The following NUP153 variants were observed in gnomAD, a reference collection of about 807,000 sequenced individuals.
NUP153 encodes nuclear pore complex protein Nup153.
NUP153 carries 27 observed loss-of-function variants against 134.6 expected under a neutral mutation model. That is an observed-to-expected ratio of 0.20 (90% CI 0.15 to 0.28). NUP153 has a LOEUF of 0.28. Ranked by LOEUF, NUP153 falls within the 10% of genes least tolerant of loss-of-function variation. The pLI, the probability that NUP153 is intolerant of heterozygous loss-of-function variation, is 1.00. For missense variants in NUP153, 1,821 were observed against 1,731.3 expected (o/e 1.05, Z -0.92); for synonymous variants, 640 against 623.5 (o/e 1.03, Z -0.40).
chr6:17,702,421 T>C (rs1770175521), intron 1 of NUP153, among the ~76,000 whole-genome samples: 1 of 152,068 alleles, frequency 6.6e-6, no homozygotes, highest in East Asian at 1.9e-4. Flanking sequence ...GGCAGAAGAA[T>C]GGCGTGAACC....
At chr6:17,645,906 G>A (rs1214568837) in intron 14 of NUP153, among the ~76,000 whole-genome samples, 161 bp downstream of exon 14, 1 of 152,056 alleles carries the variant, frequency 6.6e-6, no homozygotes, top group Non-Finnish European at 1.5e-5. Flanking sequence ...TTAATAAAAA[G>A]CACCGTCAAA....
At chr6:17,700,979 C>G (rs958697320) in intron 1 of NUP153, among the ~76,000 whole-genome samples, 1 of 151,890 alleles carries the variant, frequency 6.6e-6, no homozygotes, top group African/African-American at 2.4e-5. Context: ...CAGCACTTCG[C>G]GGGAGGCCAA....
chr6:17,649,363 T>C, intron 11 of NUP153, 63 bp from the exon 12 acceptor site: 3 of 1,474,682 alleles, frequency 2.0e-6, no homozygotes, highest in Non-Finnish European at 2.8e-6. Context: ...TCTCTACTTA[T>C]TTTCAGCATG....
rs1770479753 is a variant in NUP153, at chr6:17,706,171, A to T, written c.111+106T>A. On this transcript the variant is annotated intron_variant, in intron 1 of 21. Coordinates refer to ENST00000262077, the MANE Select transcript of NUP153 (RefSeq NM_005124.4). This position sits in a 1 kb window ranked among gnomAD's most constrained non-coding sequence, Gnocchi z 5.9. ...CGGAGCCTCACTCGGGCCTTTCCTC[A>T]GGCCCTCCTGTCTGCTCCACGTGGG... The T allele has an allele frequency of 4.4e-6, 4 of 903,700 alleles. No individual in the cohort carries two copies. In the Admixed American group the frequency reaches 8.2e-5, roughly 19 times the overall value. 56.0% of individuals were successfully genotyped at this position (903,700 alleles called of 1,614,324 possible).
intron 11 of NUP153, 142 bp downstream of exon 11, chr6:17,661,511 T>C (rs76517776): frequency 2.9e-6 from 2 of 689,950 alleles, no homozygotes; most frequent in Admixed American, 3.0e-5. Context: ...GTTTTCAGCA[T>C]GCATTTTGAA....
intron 1 of NUP153, among the ~76,000 whole-genome samples, chr6:17,701,834 G>GGGGA (rs1554148686): frequency 1.9e-5 from 2 of 103,736 alleles, no homozygotes; most frequent in Non-Finnish European, 4.2e-5. Flanking sequence ...CTCTGTCTCG[G>GGGGA]GGGGGGGGGG....
intron 1 of NUP153, among the ~76,000 whole-genome samples, chr6:17,699,075 G>C (rs2113863062): frequency 6.6e-6 from 1 of 152,224 alleles, no homozygotes; most frequent in Non-Finnish European, 1.5e-5. Context: ...CTATCATCCT[G>C]TTTCTGACAG....
At chr6:17,665,458 A>C in intron 8 of NUP153, 73 bp from the exon 9 acceptor site, 2 of 1,218,746 alleles carry the variant, frequency 1.6e-6, no homozygotes, top group Non-Finnish European at 2.3e-6. Flanking sequence ...TTTTGACAAT[A>C]GCTAACATGA....
In NUP153 at chr6:17,678,961, A is replaced by T. The variant is rs540094524; in HGVS notation, c.335-3191T>A. Among the ~76,000 whole-genome samples, 18 of 151,206 alleles carry T rather than the reference A, an allele frequency of 1.2e-4. No individual in the cohort carries two copies. In the East Asian group the frequency reaches 2.1e-3, roughly 18 times the overall value. On this transcript the variant is annotated intron_variant, in intron 2 of 21. Coordinates refer to ENST00000262077, the MANE Select transcript of NUP153 (RefSeq NM_005124.4). ...ACTATCTCATTTAAAAAAAAAAAAA[A>T]AATAAGTCTTAACAAATATTTTACA...
At position 17,660,306 on chromosome 6, in the gene NUP153, G is replaced by A. The variant is rs576476444; in HGVS notation, c.1395+1347C>T. On this transcript the variant is annotated intron_variant, in intron 11 of 21. Coordinates refer to ENST00000262077, the MANE Select transcript of NUP153 (RefSeq NM_005124.4). Reference sequence around the variant, plus strand: ...CTCATTGGTCAATGAGGGAGTCACTGGTGAAATTTTAATTAGAAACAAATG... The same window carrying A: ...CTCATTGGTCAATGAGGGAGTCACTAGTGAAATTTTAATTAGAAACAAATG... Among the ~76,000 whole-genome samples, 49 of 152,188 alleles carry A rather than the reference G, an allele frequency of 3.2e-4. 1 individual carries two copies. In the South Asian group the frequency reaches 0.01, roughly 32 times the overall value.
intron 1 of NUP153, among the ~76,000 whole-genome samples, chr6:17,703,733 T>C (rs1770275187): frequency 6.6e-6 from 1 of 152,084 alleles, no homozygotes; most frequent in African/African-American, 2.4e-5. Flanking sequence ...CTGCCAATAT[T>C]AAATAGCACC....
At chr6:17,698,687 G>A (rs1387444878) in intron 1 of NUP153, among the ~76,000 whole-genome samples, 9 of 149,372 alleles carry the variant, frequency 6.0e-5, no homozygotes, top group Admixed American at 2.0e-4. Flanking sequence ...GCAGTGAGCC[G>A]AGATCGCGCC....
intron 5 of NUP153, among the ~76,000 whole-genome samples, chr6:17,670,315 T>C (rs1767824715): frequency 6.6e-6 from 1 of 152,142 alleles, no homozygotes; most frequent in Admixed American, 6.5e-5. Context: ...AATCTTCAAA[T>C]ATAGGCATTT....
intron 20 of NUP153, among the ~76,000 whole-genome samples, chr6:17,618,620 C>T (rs1027065498): frequency 6.8e-6 from 1 of 147,692 alleles, no homozygotes; most frequent in Non-Finnish European, 1.5e-5. Context: ...GGCTGGAGTG[C>T]AGTGGCACGG....
At chr6:17,650,467 A>C (rs1478630606) in intron 11 of NUP153, among the ~76,000 whole-genome samples, 2 of 152,134 alleles carry the variant, frequency 1.3e-5, no homozygotes, top group African/African-American at 4.8e-5. Context: ...GAAAACTAAA[A>C]AGTTTCAGCT....
At chr6:17,632,555 G>C (rs1364122790) in intron 17 of NUP153, 95 bp downstream of exon 17, 11 of 828,418 alleles carry the variant, frequency 1.3e-5, no homozygotes, top group East Asian at 2.6e-5. Context: ...GAGAGAATGA[G>C]TGAACACTGA....
At chr6:17,696,430 G>A (rs547224356) in intron 1 of NUP153, among the ~76,000 whole-genome samples, 18 of 152,112 alleles carry the variant, frequency 1.2e-4, no homozygotes, top group Non-Finnish European at 2.1e-4. Context: ...AGGGAAATAA[G>A]CTTTCTGTAT....
intron 7 of NUP153, 101 bp downstream of exon 7, chr6:17,669,192 C>T: frequency 8.9e-7 from 1 of 1,122,316 alleles, no homozygotes; most frequent in Non-Finnish European, 1.3e-6. Flanking sequence ...GATTCTCCTG[C>T]CTCAGCCTCC....
intron 2 of NUP153, among the ~76,000 whole-genome samples, chr6:17,685,117 T>A (rs1349299637): frequency 6.6e-6 from 1 of 152,222 alleles, no homozygotes; most frequent in East Asian, 1.9e-4. Flanking sequence ...AAATGCAGTA[T>A]GTGCAAAGTG....
Sources: allele counts gnomAD v4.1 joint callset (sites outside exome capture counted in the v4.1 genomes callset), GRCh38; gene constraint gnomAD v4.1.1; non-coding constraint Gnocchi (gnomAD v3.1); transcripts MANE v1.5; gene names NCBI Gene and HGNC (gene_info 2026-07-23, HGNC 2026-07-21).